Variants in ARMC9 observed in about 807,000 individuals in gnomAD.
ARMC9 encodes lisH domain-containing protein ARMC9.
ARMC9 carries 94 observed loss-of-function variants against 107.0 expected under a neutral mutation model. The ratio of observed to expected loss-of-function variants is 0.88; its 90% CI spans 0.74 to 1.04. The LOEUF (loss-of-function observed/expected upper bound fraction) is 1.04, where lower values mean the gene tolerates loss of function less well. ARMC9 is among the 50% of genes least tolerant of loss of function. The pLI, the probability that ARMC9 is intolerant of heterozygous loss-of-function variation, is 0.00. For synonymous variants in ARMC9, 380 were observed against 396.9 expected (o/e 0.96, Z 0.51); for missense variants, 942 against 1,030.1 (o/e 0.91, Z 1.17).
At chr2:231,276,114 C>T (rs552773689) in intron 14 of ARMC9, among the ~76,000 whole-genome samples, 1 of 152,274 alleles carries the variant, frequency 6.6e-6, no homozygotes, top group African/African-American at 2.4e-5. Flanking sequence ...AGTAGGAGGC[C>T]TCCTTACCAC....
At chr2:231,291,520 C>T (rs2040991611) in intron 18 of ARMC9, 77 bp downstream of exon 18, 2 of 1,460,974 alleles carry the variant, frequency 1.4e-6, no homozygotes, top group Non-Finnish European at 1.9e-6. Flanking sequence ...GCATTTCATT[C>T]AAGAGGCCTT....
chr2:231,258,900 G>T, intron 10 of ARMC9, 91 bp from the exon 11 acceptor site: 1 of 1,193,236 alleles, frequency 8.4e-7, no homozygotes, highest in East Asian at 2.4e-5. Context: ...GGGAACAGCA[G>T]GCTCTAGCTT....
At chr2:231,318,316 G>T (rs192947938) in intron 19 of ARMC9, among the ~76,000 whole-genome samples, 1 of 152,092 alleles carries the variant, frequency 6.6e-6, no homozygotes, top group Non-Finnish European at 1.5e-5. Flanking sequence ...GATGCCTGAA[G>T]CCAGTAAGGT....
intron 20 of ARMC9, among the ~76,000 whole-genome samples, chr2:231,332,523 C>G (rs113953593): frequency 0.019 from 2,952 of 152,280 alleles, 104 homozygotes; most frequent in African/African-American, 0.065. Context: ...GAGTCACCAT[C>G]TGGGATGGGT....
chr2:231,287,105 G>A (rs916148001), intron 17 of ARMC9, among the ~76,000 whole-genome samples: 7 of 152,212 alleles, frequency 4.6e-5, no homozygotes. Context: ...ATCTGGGAAG[G>A]CCAGGGAGCT....
chr2:231,368,174 A>T (rs1479234172), intron 23 of ARMC9, among the ~76,000 whole-genome samples: 1 of 152,108 alleles, frequency 6.6e-6, no homozygotes, highest in African/African-American at 2.4e-5. Flanking sequence ...ATCAGTTTAA[A>T]AAAGAAAGAA....
At chr2:231,340,496 A>G (rs1274361250) in intron 20 of ARMC9, among the ~76,000 whole-genome samples, 3 of 151,980 alleles carry the variant, frequency 2.0e-5, no homozygotes, top group East Asian at 3.9e-4. Context: ...CTCTAACAAC[A>G]TAGAGAATTA....
intron 2 of ARMC9, among the ~76,000 whole-genome samples, chr2:231,207,017 T>C (rs529236181): frequency 6.6e-6 from 1 of 152,348 alleles, no homozygotes; most frequent in South Asian, 2.1e-4. Flanking sequence ...TTTAAAAATC[T>C]TTTTAGAGAC....
chr2:231,338,975 A>G (rs2044312805), intron 20 of ARMC9, among the ~76,000 whole-genome samples: 1 of 152,140 alleles, frequency 6.6e-6, no homozygotes, highest in Non-Finnish European at 1.5e-5. Context: ...TTGATTAAAA[A>G]ACTTTGTTTT....
rs761551990 is a variant in ARMC9 at position 231,360,251 on chromosome 2, G to C, written c.2132-503G>C. Among the ~76,000 whole-genome samples the C allele has an allele frequency of 9.9e-5, 15 of 152,270 alleles. No homozygotes were observed. Among genetic ancestry groups the C allele is most frequent in the Admixed American group, 5.2e-4 (8 of 15,310 alleles). The stretch of plus-strand genomic sequence containing the variant: ...CTACAGCACAAGTCACTGGGAGTTA[G>C]GGCACTTCCTGGCCACCCTGGGTGT... On this transcript the variant is annotated intron_variant, in intron 22 of 24. Transcript: ENST00000611582. This position sits in a 1 kb window ranked among gnomAD's most constrained non-coding sequence, Gnocchi z 4.7.
intron 20 of ARMC9, among the ~76,000 whole-genome samples, chr2:231,335,420 G>T (rs1168886570): frequency 1.3e-5 from 2 of 152,212 alleles, no homozygotes; most frequent in East Asian, 3.8e-4. Context: ...ATGGGAGGAA[G>T]CTATTCCCAG....
intron 1 of ARMC9, among the ~76,000 whole-genome samples, chr2:231,201,180 G>A (rs1428507989): frequency 6.6e-6 from 1 of 152,176 alleles, no homozygotes; most frequent in East Asian, 1.9e-4. Flanking sequence ...CTCCCCTTTT[G>A]CATCTGGCAG....
chr2:231,253,700 G>A (rs2037506414), intron 9 of ARMC9, among the ~76,000 whole-genome samples: 1 of 152,210 alleles, frequency 6.6e-6, no homozygotes, highest in Non-Finnish European at 1.5e-5. Context: ...AGAGCTGGAT[G>A]ATGCTGCTTG....
At chr2:231,289,030 CCTT>C (rs1243635596) in intron 17 of ARMC9, among the ~76,000 whole-genome samples, 2 of 152,122 alleles carry the variant, frequency 1.3e-5, no homozygotes, top group Non-Finnish European at 2.9e-5. Context: ...CTTTTATTAT[CCTT>C]CTGTCTTCCT....
rs2039274688 is a variant in ARMC9 at position 231,270,975 on chromosome 2, C to A, written c.1120-7C>A. 30 of 1,613,584 alleles carry A rather than the reference C, an allele frequency of 1.9e-5. No homozygotes were observed. Among genetic ancestry groups the A allele is most frequent in the Non-Finnish European group, 2.5e-5 (30 of 1,179,738 alleles). On this transcript the variant is annotated splice_region_variant and splice_polypyrimidine_tract_variant and intron_variant, in intron 12 of 24. Transcript: ENST00000611582. ...ACCTTGTTTTTCCTCTTGACGTTTTCCCCCAGAGGAGTGTGCTTCAGTTGC... is the reference window on the plus strand; with the variant it reads ...ACCTTGTTTTTCCTCTTGACGTTTTACCCCAGAGGAGTGTGCTTCAGTTGC...
intron 12 of ARMC9, among the ~76,000 whole-genome samples, chr2:231,264,910 G>A (rs2038718698): frequency 6.6e-6 from 1 of 152,076 alleles, no homozygotes; most frequent in Non-Finnish European, 1.5e-5. Context: ...ATCAAGACCA[G>A]CCTGGCCAAC....
chr2:231,329,490 G>T (rs541645756), intron 19 of ARMC9, among the ~76,000 whole-genome samples: 1 of 152,066 alleles, frequency 6.6e-6, no homozygotes, highest in East Asian at 1.9e-4. Flanking sequence ...TGTATTTTTA[G>T]TAGAGATGGG....
At chr2:231,210,648 G>A (rs925454364) in intron 3 of ARMC9, among the ~76,000 whole-genome samples, 8 of 152,174 alleles carry the variant, frequency 5.3e-5, no homozygotes, top group African/African-American at 9.7e-5. Flanking sequence ...TTTGCATATC[G>A]GTCCCTCCAG....
rs2041475550 is a variant in ARMC9 at position 231,297,793 on chromosome 2, T to C, written c.1773+1540T>C. Among the ~76,000 whole-genome samples the C allele has an allele frequency of 6.6e-6, 1 of 152,266 alleles. No individual in the cohort carries two copies. The highest frequency in any genetic ancestry group is 1.5e-5 in the Non-Finnish European group (1 of 68,050). On this transcript the variant is annotated intron_variant, in intron 19 of 24. Transcript: ENST00000611582. This position sits in a 1 kb window ranked among gnomAD's most constrained non-coding sequence, Gnocchi z 4.2. ...TGTGCCTGGCCCTTCAATATCATTC[T>C]AAATGATAGTTTAAATTAATATTTA...
Sources: allele counts gnomAD v4.1 joint callset (sites outside exome capture counted in the v4.1 genomes callset), GRCh38; gene constraint gnomAD v4.1.1; non-coding constraint Gnocchi (gnomAD v3.1); transcripts MANE v1.5; gene names NCBI Gene and HGNC (gene_info 2026-07-23, HGNC 2026-07-21).